Variants in EPHB1 observed in about 807,000 individuals in gnomAD.
The protein encoded by EPHB1 is ephrin type-B receptor 1.
A neutral mutation model predicts 94.4 loss-of-function variants in EPHB1; 30 were observed. That is an observed-to-expected ratio of 0.32 (90% CI 0.24 to 0.43). The LOEUF is 0.43. Ranked by LOEUF, EPHB1 falls within the 20% of genes least tolerant of loss-of-function variation. EPHB1 has a pLI of 1.00. For synonymous variants in EPHB1, 522 were observed against 489.1 expected, an observed-to-expected ratio of 1.07 and a Z score of -0.89; for missense variants, 1,055 against 1,308.3, an observed-to-expected ratio of 0.81 and a Z score of 2.99.
chr3:134,895,152 G>A (rs889807433), intron 1 of EPHB1, among the ~76,000 whole-genome samples: 2 of 152,176 alleles, frequency 1.3e-5, no homozygotes, highest in African/African-American at 4.8e-5. Flanking sequence ...TCTACATTAG[G>A]AGAACCCCAG....
In EPHB1 at chr3:134,812,393, T is replaced by G. The variant is rs144158061; in HGVS notation, c.58+16704T>G. On this transcript the variant is annotated intron_variant, in intron 1 of 15. Coordinates refer to ENST00000398015, the MANE Select transcript of EPHB1 (RefSeq NM_004441.5). ...GTATGTGCTCTTTATTTGTTTGACT[T>G]CTTTCACTTAGCATGAGTATTTGAG... is the stretch of plus-strand genomic sequence containing the variant. Among the ~76,000 whole-genome samples, 646 of 152,366 alleles carry G rather than the reference T, an allele frequency of 4.2e-3. 2 individuals are homozygous for G. The highest frequency in any genetic ancestry group is 0.014 in the South Asian group (67 of 4,832).
intron 9 of EPHB1, 81 bp from the exon 10 acceptor site, chr3:135,179,779 T>G (rs938280785): frequency 6.4e-7 from 1 of 1,553,554 alleles, no homozygotes; most frequent in African/African-American, 1.4e-5. Flanking sequence ...AGGAATGCCC[T>G]TAGTGCTGGG....
chr3:135,194,713 T>G (rs1942550447), intron 11 of EPHB1, among the ~76,000 whole-genome samples: 1 of 152,078 alleles, frequency 6.6e-6, no homozygotes, highest in Non-Finnish European at 1.5e-5. Context: ...TGGCTTTTGT[T>G]TTTCTGAGGG....
At chr3:134,872,294 C>A (rs535066861) in intron 1 of EPHB1, among the ~76,000 whole-genome samples, 1 of 152,350 alleles carries the variant, frequency 6.6e-6, no homozygotes, top group Admixed American at 6.5e-5. Context: ...GCGTGGTTAA[C>A]CCGGACTCTT....
chr3:135,171,742 T>C (rs1034090875), intron 9 of EPHB1, among the ~76,000 whole-genome samples: 2 of 152,214 alleles, frequency 1.3e-5, no homozygotes, highest in Non-Finnish European at 2.9e-5. Flanking sequence ...ATGTTATTGA[T>C]GCAGTATAAT....
intron 1 of EPHB1, among the ~76,000 whole-genome samples, chr3:134,872,286 G>T (rs543750746): frequency 3.9e-5 from 6 of 152,320 alleles, no homozygotes; most frequent in Non-Finnish European, 7.3e-5. Context: ...CAGCCTCAGC[G>T]TGGTTAACCC....
chr3:134,862,663 GC>G (rs1321751812), intron 1 of EPHB1, among the ~76,000 whole-genome samples: 1 of 152,082 alleles, frequency 6.6e-6, no homozygotes, highest in Non-Finnish European at 1.5e-5. Context: ...AGCCTTGGTT[GC>G]CGTGTGGCTC....
At chr3:135,082,942 G>A (rs80090029) in intron 3 of EPHB1, among the ~76,000 whole-genome samples, 4,653 of 152,260 alleles carry the variant, frequency 0.031, 225 homozygotes, top group African/African-American at 0.1. Flanking sequence ...GTTGAGGCAT[G>A]TGGAAGTCAA....
chr3:134,963,032 G>A (rs1040440564), intron 3 of EPHB1, among the ~76,000 whole-genome samples: 2 of 151,894 alleles, frequency 1.3e-5, no homozygotes, highest in Non-Finnish European at 2.9e-5. Context: ...CTGCTCTGTG[G>A]CAGCTCTTTC....
intron 1 of EPHB1, among the ~76,000 whole-genome samples, chr3:134,863,990 A>T (rs1265167418): frequency 6.6e-6 from 1 of 152,148 alleles, no homozygotes; most frequent in African/African-American, 2.4e-5. Context: ...GGGGTGGGAA[A>T]TCTACAGCAT....
chr3:135,193,140 G>A (rs1464198415), intron 11 of EPHB1, among the ~76,000 whole-genome samples: 1 of 152,170 alleles, frequency 6.6e-6, no homozygotes, highest in Non-Finnish European at 1.5e-5. Context: ...CTGCTGCACA[G>A]CCCTGTGTGA....
At chr3:135,140,530 T>C (rs925032939) in intron 5 of EPHB1, among the ~76,000 whole-genome samples, 1 of 152,262 alleles carries the variant, frequency 6.6e-6, no homozygotes, top group African/African-American at 2.4e-5. Context: ...GGTGCAGCTT[T>C]AGCTGTCTCT....
intron 3 of EPHB1, among the ~76,000 whole-genome samples, chr3:135,016,768 C>A (rs878862460): frequency 6.6e-6 from 1 of 152,158 alleles, no homozygotes. Context: ...TTTTTTCCTT[C>A]TTTCAAGATC....
intron 15 of EPHB1, among the ~76,000 whole-genome samples, chr3:135,255,785 G>C (rs1331238134): frequency 7.0e-6 from 1 of 143,288 alleles, no homozygotes; most frequent in Non-Finnish European, 1.5e-5. Flanking sequence ...TTGACTTTCT[G>C]TCTCATTGAT....
intron 9 of EPHB1, among the ~76,000 whole-genome samples, chr3:135,175,456 C>G (rs1941952081): frequency 6.6e-6 from 1 of 152,178 alleles, no homozygotes; most frequent in African/African-American, 2.4e-5. Flanking sequence ...TGTAGTTAAT[C>G]TCAACTATAG....
intron 3 of EPHB1, among the ~76,000 whole-genome samples, chr3:135,093,388 C>A (rs72977521): frequency 2.4e-3 from 362 of 152,258 alleles, no homozygotes; most frequent in African/African-American, 8.3e-3. Context: ...TCACACTACT[C>A]CTACCTACTA....
At chr3:135,233,989 G>A (rs748507480) in intron 12 of EPHB1, among the ~76,000 whole-genome samples, 11 of 152,198 alleles carry the variant, frequency 7.2e-5, no homozygotes, top group Non-Finnish European at 1.5e-4. Flanking sequence ...TCCCTCCTAG[G>A]CCTCCAGGTC....
At chr3:135,214,546 C>T (rs1262775553) in intron 12 of EPHB1, among the ~76,000 whole-genome samples, 1 of 152,236 alleles carries the variant, frequency 6.6e-6, no homozygotes, top group African/African-American at 2.4e-5. Context: ...CTCATGTGCG[C>T]TCCAGAGGTC....
At chr3:135,143,823 T>C (rs1395687312) in intron 5 of EPHB1, among the ~76,000 whole-genome samples, 1 of 152,218 alleles carries the variant, frequency 6.6e-6, no homozygotes, top group Non-Finnish European at 1.5e-5. Context: ...AGGTTTGCTA[T>C]AGTTTTCACA....
Sources: gnomAD v4.1 joint callset for allele counts (sites outside exome capture counted in the v4.1 genomes callset) on GRCh38, gnomAD v4.1.1 for gene constraint, MANE v1.5 for transcripts, NCBI Gene and HGNC (gene_info 2026-07-23, HGNC 2026-07-21) for gene names.